Variants in POU6F2 observed in about 807,000 individuals in gnomAD.
The protein encoded by POU6F2 is POU class 6 homeobox 2.
A neutral mutation model predicts 71.3 loss-of-function variants in POU6F2; 31 were observed. The observed-to-expected ratio is 0.43, with a 90% confidence interval of 0.33 to 0.59. The LOEUF (loss-of-function observed/expected upper bound fraction) is 0.59. Ranked by LOEUF, POU6F2 falls within the 20% of genes least tolerant of loss-of-function variation. The pLI is 0.04. For synonymous variants in POU6F2, 347 were observed against 355.7 expected (o/e 0.98, Z 0.27); for missense variants, 783 against 856.8 (o/e 0.91, Z 1.07).
At chr7:39,222,218 A>T (rs1794379004) in intron 4 of POU6F2, among the ~76,000 whole-genome samples, 1 of 152,232 alleles carries the variant, frequency 6.6e-6, no homozygotes, top group South Asian at 2.1e-4. Flanking sequence ...CAATAATTCC[A>T]CAAAGGGTAT....
chr7:39,383,908 A>G (rs144417341), intron 5 of POU6F2, among the ~76,000 whole-genome samples: 73 of 152,356 alleles, frequency 4.8e-4, no homozygotes, highest in African/African-American at 1.8e-3. Context: ...TTGCTGTTAC[A>G]TTAGATCTCA....
rs190889491 is a variant in POU6F2, at chr7:39,423,796, C to T, written c.1114-9281C>T. 3.2e-4 allele frequency among the ~76,000 whole-genome samples: 48 copies of T among 152,248 alleles called. No homozygotes were observed. In the South Asian group the frequency reaches 9.1e-3, roughly 29 times the overall value. On this transcript the variant is annotated intron_variant, in intron 6 of 9. Coordinates refer to ENST00000518318, the MANE Select transcript of POU6F2 (RefSeq NM_001370959.1). The stretch of plus-strand genomic sequence containing the variant: ...TGAAATTCCACTTCCCTTGCCCAAA[C>T]AGAATTACATATAGTGCTGAGCATC...
At chr7:39,253,905 T>C (rs1562764678) in intron 4 of POU6F2, among the ~76,000 whole-genome samples, 1 of 152,226 alleles carries the variant, frequency 6.6e-6, no homozygotes, top group Non-Finnish European at 1.5e-5. Flanking sequence ...TCTTGGTATC[T>C]GGGCTAAACT....
chr7:39,268,209 G>T (rs549312946), intron 4 of POU6F2, among the ~76,000 whole-genome samples: 3 of 152,150 alleles, frequency 2.0e-5, no homozygotes, highest in African/African-American at 4.8e-5. Context: ...TTTTGTTGCT[G>T]CTGTAAAGTC....
intron 1 of POU6F2, among the ~76,000 whole-genome samples, chr7:39,005,791 C>T (rs1025022893): frequency 5.1e-4 from 78 of 151,956 alleles, no homozygotes; most frequent in African/African-American, 1.8e-3. Context: ...CCAAGAGTTG[C>T]TTTATCTTCT....
chr7:39,321,975 T>C (rs1178009402), intron 4 of POU6F2, among the ~76,000 whole-genome samples: 6 of 151,582 alleles, frequency 4.0e-5, no homozygotes, highest in Non-Finnish European at 7.4e-5. Context: ...AATGAGAGCC[T>C]TCATGAAGTA....
intron 1 of POU6F2, among the ~76,000 whole-genome samples, chr7:39,036,540 A>G (rs985460112): frequency 6.6e-6 from 1 of 152,100 alleles, no homozygotes; most frequent in African/African-American, 2.4e-5. Context: ...CAGTGACTCT[A>G]TAAGACATAT....
chr7:38,996,057 T>TTTTTTTTTTG (rs1788728464), intron 1 of POU6F2, among the ~76,000 whole-genome samples: 22 of 88,932 alleles, frequency 2.5e-4, no homozygotes, highest in East Asian at 1.1e-3. Flanking sequence ...TTTTTTTTTT[T>TTTTTTTTTTG]AGACAGAATT....
At position 39,410,442 on chromosome 7, in the gene POU6F2, T is replaced by A. The variant is rs180700231; in HGVS notation, c.1113+3702T>A. Among the ~76,000 whole-genome samples, 585 of 152,298 alleles carry A rather than the reference T, an allele frequency of 3.8e-3. 8 individuals are homozygous for A. The highest frequency in any genetic ancestry group is 0.011 in the South Asian group (52 of 4,828). On this transcript the variant is annotated intron_variant, in intron 6 of 9. Transcript: ENST00000518318. ...CCTCCTGAAATTAGTAGTCATGAAA[T>A]TGATCATGACTATGGCATTGCTGAG... is the stretch of plus-strand genomic sequence containing the variant.
chr7:39,466,920 C>A lies in POU6F2; in HGVS notation c.*2234C>A, dbSNP rs555012298. 6.6e-6 allele frequency: 1 copy of A among 152,334 alleles called. No homozygotes were observed. The highest frequency in any genetic ancestry group is 6.5e-5 in the Admixed American group (1 of 15,304). The allele number at this position is 152,334 out of a possible 1,614,324, so 9.4% of individuals were successfully genotyped here. ...TATTGATTAAAACAGATTTTGGATT[C>A]TCCTAGGACCTGCTCCAAATTCCAT... On this transcript the variant is annotated 3_prime_UTR_variant, in exon 10 of 10. Transcript: ENST00000518318.
intron 5 of POU6F2, among the ~76,000 whole-genome samples, chr7:39,381,335 T>A (rs2115795223): frequency 6.6e-6 from 1 of 152,344 alleles, no homozygotes; most frequent in African/African-American, 2.4e-5. Flanking sequence ...CCTCCCGGGT[T>A]CAAGCTATTC....
chr7:39,379,172 A>G (rs958303591), intron 5 of POU6F2, among the ~76,000 whole-genome samples: 2 of 152,090 alleles, frequency 1.3e-5, no homozygotes, highest in African/African-American at 4.8e-5. Flanking sequence ...GAACAAGCTG[A>G]GTTTTAGGTG....
At chr7:39,200,898 G>A (rs111391025) in intron 2 of POU6F2, among the ~76,000 whole-genome samples, 2 of 151,248 alleles carry the variant, frequency 1.3e-5, no homozygotes, top group Admixed American at 6.6e-5. Context: ...GTAGTGGCTC[G>A]CTCCTGTAGT....
rs149014219 is a variant in POU6F2, at chr7:39,463,035, T to G, written c.1659-1147T>G. ...AACAGACCATTGAAATAAAATACAC[T>G]CTGTAGTCAGAAGTTTTTCAACAGC... On this transcript the variant is annotated intron_variant, in intron 9 of 9. Transcript: ENST00000518318. 1.5e-4 allele frequency among the ~76,000 whole-genome samples: 23 copies of G among 152,304 alleles called. No homozygotes were observed. In the East Asian group the frequency reaches 4.2e-3, roughly 28 times the overall value.
intron 8 of POU6F2, 84 bp downstream of exon 8, chr7:39,451,785 ACTCTCTCTTG>A (rs1442066177): frequency 1.8e-5 from 25 of 1,421,706 alleles, no homozygotes; most frequent in Non-Finnish European, 2.3e-5. Flanking sequence ...TCTCTCTCTC[ACTCTCTCTTG>A]CTCTCTCTTT....
intron 1 of POU6F2, among the ~76,000 whole-genome samples, chr7:39,063,547 T>C (rs1182478006): frequency 1.3e-5 from 2 of 151,804 alleles, no homozygotes; most frequent in Non-Finnish European, 2.9e-5. Flanking sequence ...AGAGAGACAA[T>C]GGATATGAAG....
intron 1 of POU6F2, among the ~76,000 whole-genome samples, chr7:39,019,446 C>T (rs1789629240): frequency 6.6e-6 from 1 of 151,980 alleles, no homozygotes; most frequent in African/African-American, 2.4e-5. Flanking sequence ...TTCTGCTCAA[C>T]GCCATATGGA....
chr7:39,231,761 G>C (rs1036338598), intron 4 of POU6F2, among the ~76,000 whole-genome samples: 3 of 151,442 alleles, frequency 2.0e-5, no homozygotes, highest in Admixed American at 6.6e-5. Flanking sequence ...GAATAGCCTG[G>C]ATCCCTGAAT....
intron 1 of POU6F2, chr7:39,013,135 C>G (rs1219555608): frequency 5.2e-5 from 8 of 154,158 alleles, no homozygotes; most frequent in African/African-American, 1.9e-4. Flanking sequence ...GCCTCGCTGC[C>G]GCCTTGCAGT....
Sources: allele counts gnomAD v4.1 joint callset (sites outside exome capture counted in the v4.1 genomes callset), GRCh38; gene constraint gnomAD v4.1.1; transcripts MANE v1.5; gene names NCBI Gene and HGNC (gene_info 2026-07-23, HGNC 2026-07-21).